Variants in NEK10 observed in about 807,000 individuals in gnomAD.
NEK10 encodes the protein serine/threonine-protein kinase Nek10.
In NEK10, 122 loss-of-function variants were observed where a neutral mutation model predicts 159.8. The ratio of observed to expected loss-of-function variants is 0.76; its 90% CI spans 0.66 to 0.89. NEK10 has a LOEUF of 0.89. Ranked by LOEUF, NEK10 falls within the 40% of genes least tolerant of loss-of-function variation. The pLI is 0.00. For missense variants in NEK10, 1,342 were observed against 1,323.1 expected (o/e 1.01, Z -0.22); for synonymous variants, 466 against 457.1 (o/e 1.02, Z -0.25).
In NEK10 at chr3:27,369,309, C is replaced by A. The variant is rs774499996; in HGVS notation, c.-122G>T. The A allele has an allele frequency of 1.8e-4, 28 of 152,888 alleles. No homozygotes were observed. Among genetic ancestry groups the A allele is most frequent in the Non-Finnish European group, 3.6e-4 (25 of 68,682 alleles). The allele number at this position is 152,888 out of a possible 1,614,324, so 9.5% of individuals were successfully genotyped here. ...TCACCTGCTGCTGCAGACCGGGGGT[C>A]CCGTCCAGTCTCAGCCCGTCCCGTC... On this transcript the variant is annotated 5_prime_UTR_variant, in exon 1 of 36. Coordinates refer to ENST00000691995, the MANE Select transcript of NEK10 (RefSeq NM_001394966.1). This position sits in a 1 kb window ranked among gnomAD's most constrained non-coding sequence, Gnocchi z 4.2.
At chr3:27,274,614 C>T (rs560156222) in intron 22 of NEK10, among the ~76,000 whole-genome samples, 2 of 151,990 alleles carry the variant, frequency 1.3e-5, no homozygotes, top group Admixed American at 6.6e-5. Context: ...CAGGGGTGCA[C>T]TCTCTTTTTT....
Position 27,256,253 on chromosome 3 carries a change from A to C in NEK10, c.2090+43T>G, listed in dbSNP as rs202148604. 5.8e-5 allele frequency: 51 copies of C among 871,834 alleles called. No individual in the cohort carries two copies. In the African/African-American group the frequency reaches 8.1e-4, roughly 14 times the overall value. 54.0% of individuals were successfully genotyped at this position (871,834 alleles called of 1,614,324 possible). ...AATAATATAAATGAAAGCCTAAATC[A>C]GTTAAGTATGATGTTTGAGAGCCAT... On this transcript the variant is annotated intron_variant, in intron 23 of 35. Coordinates refer to ENST00000691995, the MANE Select transcript of NEK10 (RefSeq NM_001394966.1).
intron 30 of NEK10, among the ~76,000 whole-genome samples, chr3:27,147,009 T>C (rs1196782486): frequency 6.6e-6 from 1 of 152,236 alleles, no homozygotes; most frequent in Non-Finnish European, 1.5e-5. Flanking sequence ...AGGCTGACTG[T>C]ATTTCAGGAA....
At chr3:27,133,730 T>C (rs1318380900) in intron 31 of NEK10, among the ~76,000 whole-genome samples, 3 of 152,162 alleles carry the variant, frequency 2.0e-5, no homozygotes, top group Non-Finnish European at 2.9e-5. Context: ...GCTGAGATAA[T>C]GCCATTGCAC....
At chr3:27,311,996 A>G in intron 8 of NEK10, 103 bp downstream of exon 8, 1 of 768,872 alleles carries the variant, frequency 1.3e-6, no homozygotes, top group South Asian at 1.5e-5. Flanking sequence ...GTGTGTGCGA[A>G]CATTAATAAA....
chr3:27,124,150 A>AG (rs1441759025), intron 32 of NEK10, among the ~76,000 whole-genome samples: 4 of 152,126 alleles, frequency 2.6e-5, no homozygotes, highest in African/African-American at 7.2e-5. Flanking sequence ...CCTACAAGTA[A>AG]GGGGGGCCTG....
chr3:27,201,587 A>G lies in NEK10; in HGVS notation c.2221-7T>C, dbSNP rs1204056053. On this transcript the variant is annotated splice_region_variant and splice_polypyrimidine_tract_variant and intron_variant, in intron 24 of 35. Transcript: ENST00000691995. ...CATATACCGCCTCCACTATCTGCAA[A>G]ACAAACAGACTAGAGTGATGGAAGT... 9 of 1,612,014 alleles carry G rather than the reference A, an allele frequency of 5.6e-6. No individual in the cohort carries two copies. In the East Asian group the frequency reaches 1.8e-4, roughly 32 times the overall value.
At chr3:27,336,514 A>C (rs180746317) in intron 5 of NEK10, among the ~76,000 whole-genome samples, 58 of 152,288 alleles carry the variant, frequency 3.8e-4, no homozygotes, top group Middle Eastern at 3.4e-3. Context: ...CATTACCCTA[A>C]TAACAAAACA....
chr3:27,188,041 G>C (rs557786891), intron 26 of NEK10, among the ~76,000 whole-genome samples: 81 of 152,258 alleles, frequency 5.3e-4, no homozygotes, highest in Non-Finnish European at 8.4e-4. Flanking sequence ...AACTTCTCCT[G>C]ATTTCCCTTT....
rs140095453 is a variant in NEK10 at position 27,120,393 on chromosome 3, G to A, written c.3082-525C>T. 2.6e-3 allele frequency among the ~76,000 whole-genome samples: 394 copies of A among 150,342 alleles called. 2 individuals are homozygous for A. The highest frequency in any genetic ancestry group is 9.0e-3 in the African/African-American group (368 of 40,886). ...GGCTGCAGTGCAGTGGCACAATCTCGGCTCACTGCAACTTCCACCTCCATG... is the reference window on the plus strand; with the variant it reads ...GGCTGCAGTGCAGTGGCACAATCTCAGCTCACTGCAACTTCCACCTCCATG... On this transcript the variant is annotated intron_variant, in intron 32 of 35. Coordinates refer to ENST00000691995, the MANE Select transcript of NEK10 (RefSeq NM_001394966.1).
chr3:27,322,056 G>A (rs2045678034), intron 6 of NEK10, 121 bp downstream of exon 6: 1 of 585,004 alleles, frequency 1.7e-6, no homozygotes. Context: ...ATATATGGAA[G>A]CTATTGAGTT....
chr3:27,322,130 A>T, intron 6 of NEK10, 47 bp downstream of exon 6: 2 of 1,006,132 alleles, frequency 2.0e-6, no homozygotes, highest in Non-Finnish European at 3.0e-6. Context: ...GTCTTTTATT[A>T]CAACTTTATA....
intron 23 of NEK10, among the ~76,000 whole-genome samples, chr3:27,230,910 C>T (rs1422533624): frequency 6.6e-6 from 1 of 151,924 alleles, no homozygotes; most frequent in Non-Finnish European, 1.5e-5. Flanking sequence ...TAGATAGCAA[C>T]TCAATGGTAG....
At chr3:27,116,755 C>A (rs933966746) in intron 33 of NEK10, among the ~76,000 whole-genome samples, 1 of 152,030 alleles carries the variant, frequency 6.6e-6, no homozygotes, top group Non-Finnish European at 1.5e-5. Context: ...TGCCTACAGC[C>A]TTCCAACGTC....
chr3:27,210,115 T>C (rs1284158945), intron 23 of NEK10, among the ~76,000 whole-genome samples: 1 of 152,214 alleles, frequency 6.6e-6, no homozygotes, highest in East Asian at 1.9e-4. Context: ...TTAGTCTGTT[T>C]TCCGTTTCTG....
chr3:27,313,115 A>G (rs1421914836), intron 7 of NEK10, among the ~76,000 whole-genome samples: 1 of 151,602 alleles, frequency 6.6e-6, no homozygotes, highest in African/African-American at 2.4e-5. Context: ...AAAAAAAAAA[A>G]TGATCCGGGC....
intron 5 of NEK10, among the ~76,000 whole-genome samples, chr3:27,343,608 G>A (rs1442044860): frequency 6.6e-6 from 1 of 152,086 alleles, no homozygotes; most frequent in African/African-American, 2.4e-5. Flanking sequence ...AGCCTCCTTT[G>A]CATCTGGCAG....
At chr3:27,142,784 A>C (rs1943913234) in intron 30 of NEK10, among the ~76,000 whole-genome samples, 1 of 152,212 alleles carries the variant, frequency 6.6e-6, no homozygotes, top group South Asian at 2.1e-4. Flanking sequence ...TTAAGACATA[A>C]AATGCAAAAA....
chr3:27,107,699 T>G lies in NEK10; in HGVS notation c.*3573A>C, dbSNP rs1400592551. Among the ~76,000 whole-genome samples, 1 of 152,158 alleles carries G rather than the reference T, an allele frequency of 6.6e-6. No individual in the cohort carries two copies. The highest frequency in any genetic ancestry group is 1.5e-5 in the Non-Finnish European group (1 of 68,026). The stretch of plus-strand genomic sequence containing the variant: ...GCCCTTCATAGCTGTAACTCCAGGG[T>G]GCCAAGAAGCTGTTTCAGATAGATT... On this transcript the variant is annotated 3_prime_UTR_variant, in exon 36 of 36. Coordinates refer to ENST00000691995, the MANE Select transcript of NEK10 (RefSeq NM_001394966.1).
Sources: gnomAD v4.1 joint callset for allele counts (sites outside exome capture counted in the v4.1 genomes callset) on GRCh38, gnomAD v4.1.1 for gene constraint, Gnocchi (gnomAD v3.1) non-coding constraint, MANE v1.5 for transcripts, NCBI Gene and HGNC (gene_info 2026-07-23, HGNC 2026-07-21) for gene names.